ACAP2: variants seen among roughly 807,000 people sequenced by gnomAD.
ACAP2 encodes the protein arf-GAP with coiled-coil, ANK repeat and PH domain-containing protein 2.
In ACAP2, 39 loss-of-function variants were observed where a neutral mutation model predicts 115.8. The observed-to-expected ratio is 0.34, with a 90% CI of 0.26 to 0.44. The LOEUF (loss-of-function observed/expected upper bound fraction) is 0.44. ACAP2 is among the 20% of genes least tolerant of loss of function. The probability of loss-of-function intolerance (pLI) is 1.00; values close to 1 mark genes in which losing one functional copy is unlikely to be tolerated. For synonymous variants in ACAP2, 289 were observed against 315.8 expected (o/e 0.92, Z 0.90); for missense variants, 662 against 927.6 (o/e 0.71, Z 3.72).
At chr3:195,320,559 T>C in intron 10 of ACAP2, 142 bp downstream of exon 10, 1 of 530,354 alleles carries the variant, frequency 1.9e-6, no homozygotes, top group Non-Finnish European at 3.4e-6. Context: ...AGGGCATCTA[T>C]CTTCAATAGA....
At chr3:195,411,085 A>C (rs1232145989) in intron 1 of ACAP2, 2 of 260,412 alleles carry the variant, frequency 7.7e-6, no homozygotes, top group Non-Finnish European at 1.6e-5. Context: ...GAACAGACTA[A>C]GAAGCCATCT....
chr3:195,411,809 T>A (rs1302037187), intron 1 of ACAP2, among the ~76,000 whole-genome samples: 6 of 144,558 alleles, frequency 4.2e-5, no homozygotes, highest in Non-Finnish European at 9.1e-5. Flanking sequence ...CTTTGGGAGG[T>A]CAAGGCAGGA....
chr3:195,394,125 G>A (rs1711552157), intron 1 of ACAP2, among the ~76,000 whole-genome samples: 1 of 152,072 alleles, frequency 6.6e-6, no homozygotes, highest in South Asian at 2.1e-4. Context: ...ATCTCCCCAA[G>A]ACATGGTCCT....
At chr3:195,289,339 C>T in intron 20 of ACAP2, 108 bp from the exon 21 acceptor site, 1 of 751,218 alleles carries the variant, frequency 1.3e-6, no homozygotes, top group Non-Finnish European at 2.3e-6. Flanking sequence ...TTAGGAAATT[C>T]TTGATTCATT....
intron 1 of ACAP2, among the ~76,000 whole-genome samples, chr3:195,437,054 A>AT (rs1321963890): frequency 3.9e-5 from 6 of 152,004 alleles, no homozygotes; most frequent in Admixed American, 6.6e-5. Flanking sequence ...ATATTTAATA[A>AT]TTTTTTTTAA....
intron 1 of ACAP2, among the ~76,000 whole-genome samples, chr3:195,417,860 G>C (rs569901857): frequency 5.4e-4 from 82 of 151,920 alleles, no homozygotes; most frequent in African/African-American, 1.8e-3. Context: ...AAGGTGGGAG[G>C]ATCGCTTGAG....
chr3:195,376,737 A>G (rs1282733386), intron 4 of ACAP2, among the ~76,000 whole-genome samples: 1 of 152,216 alleles, frequency 6.6e-6, no homozygotes, highest in Non-Finnish European at 1.5e-5. Context: ...CGTGGCTAAT[A>G]ACACAAATGG....
intron 13 of ACAP2, among the ~76,000 whole-genome samples, chr3:195,305,290 T>C (rs544887281): frequency 6.6e-6 from 1 of 151,812 alleles, no homozygotes; most frequent in Non-Finnish European, 1.5e-5. Flanking sequence ...ATCCAGAAAA[T>C]ACAGAGCAAC....
intron 4 of ACAP2, among the ~76,000 whole-genome samples, chr3:195,370,807 C>A (rs1261192391): frequency 6.6e-6 from 1 of 152,024 alleles, no homozygotes; most frequent in Non-Finnish European, 1.5e-5. Flanking sequence ...AAAAAATTAG[C>A]CAGGTATGGT....
At chr3:195,418,468 G>A (rs536314734) in intron 1 of ACAP2, among the ~76,000 whole-genome samples, 73 of 152,258 alleles carry the variant, frequency 4.8e-4, no homozygotes, top group African/African-American at 1.7e-3. Flanking sequence ...GTTCTTGCCA[G>A]GGCAGGGGTG....
intron 1 of ACAP2, among the ~76,000 whole-genome samples, chr3:195,423,987 G>C (rs1714402901): frequency 6.6e-6 from 1 of 151,758 alleles, no homozygotes; most frequent in African/African-American, 2.4e-5. Flanking sequence ...GCCTTTCTCA[G>C]GGTGGGTCCC....
chr3:195,416,250 G>A (rs1274367188), intron 1 of ACAP2, among the ~76,000 whole-genome samples: 1 of 151,986 alleles, frequency 6.6e-6, no homozygotes, highest in Non-Finnish European at 1.5e-5. Context: ...GGAGGCTGAG[G>A]CAGGAGAATC....
At chr3:195,323,873 A>G (rs1230384434) in intron 9 of ACAP2, among the ~76,000 whole-genome samples, 1 of 152,196 alleles carries the variant, frequency 6.6e-6, no homozygotes, top group Non-Finnish European at 1.5e-5. Context: ...TACAGTCAAA[A>G]TAATTTAATT....
At chr3:195,415,634 T>C (rs2108820301) in intron 1 of ACAP2, among the ~76,000 whole-genome samples, 1 of 152,330 alleles carries the variant, frequency 6.6e-6, no homozygotes, top group South Asian at 2.1e-4. Flanking sequence ...GTTCTTTTTA[T>C]TAAAGAGATA....
chr3:195,363,926 G>A (rs1732541481), intron 4 of ACAP2, among the ~76,000 whole-genome samples: 1 of 152,172 alleles, frequency 6.6e-6, no homozygotes, highest in Non-Finnish European at 1.5e-5. Context: ...AACGAAACTA[G>A]AGCCCTATCT....
chr3:195,302,016 G>A lies in ACAP2; in HGVS notation c.1275C>T (p.Ala425=), dbSNP rs756809592. 10 of 1,613,894 alleles carry A rather than the reference G, an allele frequency of 6.2e-6. No homozygotes were observed. Among genetic ancestry groups the A allele is most frequent in the Non-Finnish European group, 8.5e-6 (10 of 1,180,030 alleles). ...ACAAGGTGATGCCCAGGTTGATGCT[G>A]GCCCACCGTGGATCTGCCAGGCCAC... ...CDCGLADPRW[A]SINLGITLCI... is the part of the protein sequence containing the mutation. Residue 425 remains alanine, a synonymous_variant, in exon 14 of 23, where the codon GCC becomes GCT. Transcript: ENST00000326793.
intron 1 of ACAP2, among the ~76,000 whole-genome samples, chr3:195,437,870 G>A (rs1577485583): frequency 1.7e-5 from 2 of 120,656 alleles, no homozygotes; most frequent in East Asian, 2.6e-4. Context: ...ATGAGGATAA[G>A]TCCTACTTTA....
At chr3:195,376,310 C>A (rs1484822562) in intron 4 of ACAP2, among the ~76,000 whole-genome samples, 1 of 152,126 alleles carries the variant, frequency 6.6e-6, no homozygotes, top group Non-Finnish European at 1.5e-5. Flanking sequence ...ACAAGAATCA[C>A]TTGAACCTGG....
chr3:195,377,648 C>A (rs1165925294), intron 4 of ACAP2, among the ~76,000 whole-genome samples: 1 of 151,786 alleles, frequency 6.6e-6, no homozygotes, highest in Non-Finnish European at 1.5e-5. Context: ...CAAGTCATTC[C>A]TACTGAAAAA....
Sources: gnomAD v4.1 joint callset for allele counts (sites outside exome capture counted in the v4.1 genomes callset) on GRCh38, gnomAD v4.1.1 for gene constraint, MANE v1.5 for transcripts, NCBI Gene and HGNC (gene_info 2026-07-23, HGNC 2026-07-21) for gene names.